The following PTPRT variants were observed in gnomAD, a reference collection of about 807,000 sequenced individuals.
PTPRT encodes receptor-type tyrosine-protein phosphatase T.
Under a neutral mutation model 176.8 loss-of-function variants are expected in PTPRT, and 56 were observed. The ratio of observed to expected loss-of-function variants is 0.32; its 90% CI spans 0.26 to 0.40. The LOEUF (loss-of-function observed/expected upper bound fraction) is 0.40, where lower values mean the gene tolerates loss of function less well. Among genes scored for constraint, PTPRT ranks in the 10% least tolerant of loss-of-function variants. The pLI is 1.00. For synonymous variants in PTPRT, 783 were observed against 739.0 expected, an observed-to-expected ratio of 1.06 and a Z score of -0.96; for missense variants, 1,540 against 1,908.2, an observed-to-expected ratio of 0.81 and a Z score of 3.60.
chr20:42,527,538 A>T (rs2072300640), intron 7 of PTPRT, among the ~76,000 whole-genome samples: 1 of 152,094 alleles, frequency 6.6e-6, no homozygotes, highest in South Asian at 2.1e-4. Flanking sequence ...TATTCTTCCT[A>T]GTTTTACCAC....
intron 4 of PTPRT, among the ~76,000 whole-genome samples, chr20:42,779,173 C>T (rs1377992866): frequency 2.6e-5 from 4 of 152,136 alleles, no homozygotes; most frequent in Non-Finnish European, 5.9e-5. Context: ...TTCATTGCAG[C>T]AGAAGTGGAA....
At chr20:42,844,774 T>G (rs983603076) in intron 2 of PTPRT, among the ~76,000 whole-genome samples, 3 of 152,186 alleles carry the variant, frequency 2.0e-5, no homozygotes, top group African/African-American at 7.2e-5. Context: ...GTTTGTTCAT[T>G]CATCAGTTCG....
intron 1 of PTPRT, among the ~76,000 whole-genome samples, chr20:42,896,635 CAAA>C (rs58679220): frequency 5.5e-5 from 4 of 72,332 alleles, no homozygotes; most frequent in African/African-American, 4.4e-5. Flanking sequence ...AACTCCGTCT[CAAA>C]AAAAAAAAAA....
chr20:42,945,187 A>T (rs1980804486), intron 1 of PTPRT, among the ~76,000 whole-genome samples: 1 of 151,346 alleles, frequency 6.6e-6, no homozygotes, highest in African/African-American at 2.4e-5. Flanking sequence ...CTAAAGATAC[A>T]TATATATGTA....
chr20:42,141,295 C>A (rs1235792673), intron 18 of PTPRT, among the ~76,000 whole-genome samples: 1 of 152,236 alleles, frequency 6.6e-6, no homozygotes, highest in Non-Finnish European at 1.5e-5. Context: ...TAGCCCCGGG[C>A]TCCTGTGAGG....
At chr20:42,124,544 C>A (rs751057764) in intron 19 of PTPRT, among the ~76,000 whole-genome samples, 15 of 152,222 alleles carry the variant, frequency 9.9e-5, no homozygotes, top group Admixed American at 2.0e-4. Context: ...CCATTCAGCT[C>A]ATTGTCCCAA....
At chr20:42,290,098 T>C (rs968026731) in intron 12 of PTPRT, among the ~76,000 whole-genome samples, 1 of 152,040 alleles carries the variant, frequency 6.6e-6, no homozygotes, top group African/African-American at 2.4e-5. Context: ...AGTGTGCCTA[T>C]GTCCAAAGTG....
chr20:42,258,668 T>C (rs560549563), intron 13 of PTPRT, among the ~76,000 whole-genome samples: 49 of 152,246 alleles, frequency 3.2e-4, no homozygotes, highest in African/African-American at 1.1e-3. Context: ...CCAGATCTGG[T>C]TGATAATAGA....
intron 1 of PTPRT, among the ~76,000 whole-genome samples, chr20:43,146,840 T>G (rs1239295707): frequency 6.6e-6 from 1 of 152,102 alleles, no homozygotes; most frequent in African/African-American, 2.4e-5. Flanking sequence ...TTAGAAGGAT[T>G]GAAATGGGAC....
intron 9 of PTPRT, among the ~76,000 whole-genome samples, chr20:42,412,376 C>T (rs1175133756): frequency 6.6e-6 from 1 of 152,216 alleles, no homozygotes; most frequent in Admixed American, 6.5e-5. Context: ...CTTACACACT[C>T]ACCTACTCAT....
chr20:42,050,616 G>T, the PTPRT span, among the ~76,000 whole-genome samples: 1 of 152,180 alleles, frequency 6.6e-6, no homozygotes, highest in African/African-American at 2.4e-5. Context: ...ATAGCAGCCT[G>T]GTGAATATTC....
At chr20:42,766,164 C>G (rs1015134537) in intron 5 of PTPRT, among the ~76,000 whole-genome samples, 2 of 152,208 alleles carry the variant, frequency 1.3e-5, no homozygotes, top group African/African-American at 4.8e-5. Flanking sequence ...CTGTAGACCA[C>G]TTTGTTTAGT....
intron 1 of PTPRT, among the ~76,000 whole-genome samples, chr20:43,079,851 G>A (rs2011390901): frequency 6.6e-6 from 1 of 151,918 alleles, no homozygotes. Context: ...CTTTCTATCT[G>A]CTTTAATGCA....
chr20:43,086,442 A>G (rs570319426), intron 1 of PTPRT, among the ~76,000 whole-genome samples: 1 of 152,348 alleles, frequency 6.6e-6, no homozygotes, highest in Admixed American at 6.5e-5. Context: ...TATGCTAAAG[A>G]TCACACGTAC....
At chr20:42,379,122 C>A (rs1325743971) in intron 9 of PTPRT, among the ~76,000 whole-genome samples, 1 of 152,208 alleles carries the variant, frequency 6.6e-6, no homozygotes, top group Admixed American at 6.5e-5. Flanking sequence ...CGTGCCCAGC[C>A]TCCCCAGTCT....
At chr20:43,084,093 C>A (rs553634785) in intron 1 of PTPRT, among the ~76,000 whole-genome samples, 3 of 152,112 alleles carry the variant, frequency 2.0e-5, no homozygotes, top group African/African-American at 7.2e-5. Flanking sequence ...TTCCTGTGGA[C>A]GTAGGTTTTC....
At chr20:42,525,920 T>C (rs2072259912) in intron 7 of PTPRT, among the ~76,000 whole-genome samples, 2 of 152,216 alleles carry the variant, frequency 1.3e-5, no homozygotes, top group Admixed American at 6.5e-5. Flanking sequence ...GCAATTTTGC[T>C]GGTTGCAGAT....
intron 1 of PTPRT, among the ~76,000 whole-genome samples, chr20:43,078,162 A>C (rs2011329731): frequency 6.6e-6 from 1 of 152,218 alleles, no homozygotes; most frequent in Admixed American, 6.5e-5. Context: ...CACAGAGTAA[A>C]TGACCAATCA....
chr20:42,717,752 T>C (rs1012837306), intron 6 of PTPRT, among the ~76,000 whole-genome samples: 12 of 152,350 alleles, frequency 7.9e-5, no homozygotes, highest in Admixed American at 7.2e-4. Context: ...TTATGATATG[T>C]ATACAAGGAC....
Sources: gnomAD v4.1 joint callset for allele counts (sites outside exome capture counted in the v4.1 genomes callset) on GRCh38, gnomAD v4.1.1 for gene constraint, MANE v1.5 for transcripts, NCBI Gene and HGNC (gene_info 2026-07-23, HGNC 2026-07-21) for gene names.